Variants in KLHL1 observed in about 807,000 individuals in gnomAD.
KLHL1 encodes kelch-like protein 1.
In KLHL1, 47 loss-of-function variants were observed where a neutral mutation model predicts 77.7. The observed-to-expected ratio is 0.60, with a 90% CI of 0.48 to 0.77. The LOEUF (loss-of-function observed/expected upper bound fraction) is 0.77, where lower values mean the gene tolerates loss of function less well. Among genes scored for constraint, KLHL1 ranks in the 30% least tolerant of loss-of-function variants. The pLI, the probability that KLHL1 is intolerant of heterozygous loss-of-function variation, is 0.00. For synonymous variants in KLHL1, 360 were observed against 325.2 expected (o/e 1.11, Z -1.15); for missense variants, 925 against 910.8 (o/e 1.02, Z -0.20).
chr13:69,857,432 A>G (rs1203218818), intron 5 of KLHL1, among the ~76,000 whole-genome samples: 1 of 152,038 alleles, frequency 6.6e-6, no homozygotes, highest in African/African-American at 2.4e-5. Flanking sequence ...TAGTGGACAT[A>G]TTACTTATTA....
rs1888107271 is a variant in KLHL1 at position 70,107,682 on chromosome 13, T to C, written c.18A>G (p.Arg6=). 6.5e-7 allele frequency: 1 copy of C among 1,530,620 alleles called. No homozygotes were observed. Among genetic ancestry groups the C allele is most frequent in the Non-Finnish European group, 8.7e-7 (1 of 1,143,464 alleles). 94.8% of individuals were successfully genotyped at this position (1,530,620 alleles called of 1,614,324 possible). ...GAATGTGCTTCACATCGAAGTCTTT[T>C]CGCCCAGAGCCTGACATGCTTTACG... MSGSG[R]KDFDVKHILR... Residue 6 remains arginine, a synonymous_variant, in exon 1 of 11, where the codon CGA becomes CGG. Coordinates refer to ENST00000377844, the MANE Select transcript of KLHL1 (RefSeq NM_020866.3).
chr13:69,914,635 C>T (rs770798381), intron 4 of KLHL1, among the ~76,000 whole-genome samples: 14 of 152,164 alleles, frequency 9.2e-5, no homozygotes, highest in Non-Finnish European at 2.1e-4. Flanking sequence ...AGTTATCAAA[C>T]AGAATCAATT....
At chr13:69,865,215 G>A (rs1761218643) in intron 5 of KLHL1, among the ~76,000 whole-genome samples, 1 of 152,090 alleles carries the variant, frequency 6.6e-6, no homozygotes, top group African/African-American at 2.4e-5. Flanking sequence ...GAGATTGCAG[G>A]CCTGAGCCAG....
At chr13:69,913,503 G>A (rs17810777) in intron 4 of KLHL1, among the ~76,000 whole-genome samples, 21,391 of 152,222 alleles carry the variant, frequency 0.14, 1,937 homozygotes, top group Middle Eastern at 0.21. Flanking sequence ...GATGCTGCCT[G>A]AACCTGCTGC....
At chr13:69,979,176 A>T (rs1884635863) in intron 1 of KLHL1, among the ~76,000 whole-genome samples, 2 of 145,128 alleles carry the variant, frequency 1.4e-5, no homozygotes. Flanking sequence ...CTCAAAAAAA[A>T]AATAAATAAG....
intron 5 of KLHL1, among the ~76,000 whole-genome samples, chr13:69,858,503 G>T (rs1880010877): frequency 6.6e-6 from 1 of 152,026 alleles, no homozygotes; most frequent in Non-Finnish European, 1.5e-5. Flanking sequence ...GAGTTAAAGT[G>T]ATTAATTCTA....
At chr13:69,813,530 CTT>C (rs1449645413) in intron 6 of KLHL1, among the ~76,000 whole-genome samples, 2 of 150,276 alleles carry the variant, frequency 1.3e-5, no homozygotes, top group East Asian at 3.9e-4. Flanking sequence ...AGACCCTAGA[CTT>C]GATAAACAAC....
chr13:69,730,181 CAAAGT>C (rs977545409), intron 8 of KLHL1, among the ~76,000 whole-genome samples: 1 of 151,794 alleles, frequency 6.6e-6, no homozygotes, highest in African/African-American at 2.4e-5. Flanking sequence ...TAAGGTTATT[CAAAGT>C]AAAGTCATAA....
chr13:69,860,703 T>C (rs558642248), intron 5 of KLHL1, among the ~76,000 whole-genome samples: 1 of 151,970 alleles, frequency 6.6e-6, no homozygotes, highest in Non-Finnish European at 1.5e-5. Context: ...GTTTAAATCA[T>C]GTATCATTGT....
At chr13:69,743,089 TG>T (rs1874052826) in intron 7 of KLHL1, among the ~76,000 whole-genome samples, 1 of 152,122 alleles carries the variant, frequency 6.6e-6, no homozygotes, top group South Asian at 2.1e-4. Flanking sequence ...TTGTGTGCCT[TG>T]GGTTGGGTAG....
At chr13:69,755,408 C>T (rs545547242) in intron 7 of KLHL1, among the ~76,000 whole-genome samples, 55 of 152,084 alleles carry the variant, frequency 3.6e-4, no homozygotes, top group African/African-American at 1.3e-3. Context: ...AACATCTTCT[C>T]TTTATAGATT....
At chr13:69,983,385 A>T (rs942011001) in intron 1 of KLHL1, among the ~76,000 whole-genome samples, 5 of 152,038 alleles carry the variant, frequency 3.3e-5, no homozygotes, top group Non-Finnish European at 7.4e-5. Context: ...AAAGATCCCA[A>T]ATATCTAAAG....
intron 8 of KLHL1, among the ~76,000 whole-genome samples, chr13:69,739,410 C>G (rs930487636): frequency 6.6e-6 from 1 of 152,134 alleles, no homozygotes; most frequent in Admixed American, 6.5e-5. Context: ...CCATATTAAC[C>G]TTGAATGTAA....
intron 7 of KLHL1, among the ~76,000 whole-genome samples, chr13:69,755,192 ATC>A (rs1874653983): frequency 6.6e-6 from 1 of 151,858 alleles, no homozygotes; most frequent in South Asian, 2.1e-4. Flanking sequence ...TTCACAAGAG[ATC>A]TGTTTGTTTA....
intron 1 of KLHL1, among the ~76,000 whole-genome samples, chr13:70,036,889 A>T (rs1593693497): frequency 2.8e-5 from 1 of 36,066 alleles, no homozygotes; most frequent in Non-Finnish European, 5.3e-5. Context: ...TAAGCATTCG[A>T]TTTCTGTTCT....
intron 6 of KLHL1, among the ~76,000 whole-genome samples, chr13:69,827,054 G>A (rs1409746953): frequency 6.6e-6 from 1 of 151,230 alleles, no homozygotes; most frequent in Non-Finnish European, 1.5e-5. Context: ...ATTTTGAAAT[G>A]TGGGCTGAAT....
intron 5 of KLHL1, among the ~76,000 whole-genome samples, chr13:69,869,776 C>A (rs1429611787): frequency 1.3e-5 from 2 of 152,040 alleles, no homozygotes; most frequent in Non-Finnish European, 2.9e-5. Flanking sequence ...ACTTGTGGTC[C>A]CATCACATGG....
intron 6 of KLHL1, among the ~76,000 whole-genome samples, chr13:69,807,771 C>T (rs556898457): frequency 6.6e-6 from 1 of 152,140 alleles, no homozygotes; most frequent in Non-Finnish European, 1.5e-5. Context: ...GAATTAGACT[C>T]TCTCCCATTA....
At chr13:69,998,004 C>G (rs1042707599) in intron 1 of KLHL1, among the ~76,000 whole-genome samples, 2 of 151,810 alleles carry the variant, frequency 1.3e-5, no homozygotes, top group Non-Finnish European at 2.9e-5. Flanking sequence ...GATAGTTCTA[C>G]TTTAATGTTG....
Sources: gnomAD v4.1 joint callset for allele counts (sites outside exome capture counted in the v4.1 genomes callset) on GRCh38, gnomAD v4.1.1 for gene constraint, MANE v1.5 for transcripts, NCBI Gene and HGNC (gene_info 2026-07-23, HGNC 2026-07-21) for gene names.